DOCK3: variants seen among roughly 807,000 people sequenced by gnomAD.
The protein encoded by DOCK3 is dedicator of cytokinesis protein 3.
Under a neutral mutation model 265.6 loss-of-function variants are expected in DOCK3, and 60 were observed. That is an observed-to-expected ratio of 0.23 (90% confidence interval 0.18 to 0.28). The LOEUF (loss-of-function observed/expected upper bound fraction) is 0.28. Among genes scored for constraint, DOCK3 ranks in the 10% least tolerant of loss-of-function variants. DOCK3 has a pLI of 1.00. For synonymous variants in DOCK3, 881 were observed against 938.0 expected (o/e 0.94, Z 1.11); for missense variants, 1,981 against 2,594.3 (o/e 0.76, Z 5.14).
Position 51,203,447 on chromosome 3 carries a change from C to T in DOCK3, c.1038-5327C>T, listed in dbSNP as rs543443592. On this transcript the variant is annotated intron_variant, in intron 12 of 52. Coordinates refer to ENST00000266037, the MANE Select transcript of DOCK3 (RefSeq NM_004947.5). ...AAAGAGAATAAAATACCTAGGAATC[C>T]ACCTTACAAGGGACGTGAAGGACCT... is the stretch of plus-strand genomic sequence containing the variant. 1.2e-4 allele frequency among the ~76,000 whole-genome samples: 19 copies of T among 152,288 alleles called. No individual in the cohort carries two copies. The East Asian group carries it at 3.7e-3, about 29-fold the overall frequency.
intron 10 of DOCK3, among the ~76,000 whole-genome samples, chr3:51,158,069 C>A (rs1304141154): frequency 1.3e-5 from 2 of 152,054 alleles, no homozygotes; most frequent in Non-Finnish European, 2.9e-5. Flanking sequence ...AAACCTGTCA[C>A]ATTAAGGACA....
At chr3:50,746,065 C>T (rs1288839383) in intron 1 of DOCK3, among the ~76,000 whole-genome samples, 7 of 151,428 alleles carry the variant, frequency 4.6e-5, no homozygotes, top group Non-Finnish European at 1.0e-4. Context: ...ATTCTTTTTA[C>T]AGTCTCATTC....
intron 5 of DOCK3, among the ~76,000 whole-genome samples, chr3:51,016,627 AATAT>A (rs1157703084): frequency 2.8e-5 from 1 of 35,452 alleles, no homozygotes; most frequent in African/African-American, 1.1e-4. Context: ...TTATATATAT[AATAT>A]ATATGATATA....
chr3:50,750,478 T>G (rs1328685216), intron 1 of DOCK3, among the ~76,000 whole-genome samples: 2 of 151,928 alleles, frequency 1.3e-5, no homozygotes, highest in East Asian at 3.9e-4. Flanking sequence ...TACAGGCGCC[T>G]GCCACCACGC....
intron 5 of DOCK3, among the ~76,000 whole-genome samples, chr3:50,952,586 C>T (rs139018216): frequency 5.3e-5 from 8 of 152,220 alleles, no homozygotes; most frequent in Non-Finnish European, 8.8e-5. Context: ...GGTAGTGCCT[C>T]CTAGAATGGC....
At chr3:50,698,877 G>T (rs1166486018) in intron 1 of DOCK3, among the ~76,000 whole-genome samples, 1 of 151,930 alleles carries the variant, frequency 6.6e-6, no homozygotes, top group East Asian at 1.9e-4. Context: ...AGTGTTAGGG[G>T]TTCTCTATAT....
intron 1 of DOCK3, among the ~76,000 whole-genome samples, chr3:50,753,931 G>T (rs2039994199): frequency 6.6e-6 from 1 of 152,052 alleles, no homozygotes. Flanking sequence ...CGAGGCAAGT[G>T]GGTCACCTGG....
chr3:51,309,260 C>T (rs566364131), intron 27 of DOCK3, among the ~76,000 whole-genome samples: 4 of 152,296 alleles, frequency 2.6e-5, no homozygotes, highest in South Asian at 2.1e-4. Context: ...TGTAGCAAGC[C>T]GAGATCACGC....
intron 5 of DOCK3, among the ~76,000 whole-genome samples, chr3:50,948,212 G>A (rs1282419480): frequency 6.6e-6 from 1 of 150,766 alleles, no homozygotes; most frequent in African/African-American, 2.4e-5. Flanking sequence ...GACCACCACT[G>A]CACCCGGCTA....
intron 12 of DOCK3, among the ~76,000 whole-genome samples, chr3:51,161,443 CAAA>C (rs1160336812): frequency 8.2e-6 from 1 of 121,860 alleles, no homozygotes; most frequent in Non-Finnish European, 1.8e-5. Flanking sequence ...GACTCCGTCT[CAAA>C]AAAAAAAAAG....
chr3:50,917,067 T>C (rs1360804299), intron 4 of DOCK3, among the ~76,000 whole-genome samples: 1 of 152,102 alleles, frequency 6.6e-6, no homozygotes, highest in South Asian at 2.1e-4. Flanking sequence ...TGTATTATTT[T>C]TATTACACTA....
At chr3:50,753,313 A>G (rs2039953012) in intron 1 of DOCK3, among the ~76,000 whole-genome samples, 1 of 152,110 alleles carries the variant, frequency 6.6e-6, no homozygotes, top group South Asian at 2.1e-4. Context: ...ATAAATAGAT[A>G]TTGCCAAATA....
At chr3:50,860,257 C>T (rs899842426) in intron 3 of DOCK3, among the ~76,000 whole-genome samples, 4 of 152,150 alleles carry the variant, frequency 2.6e-5, no homozygotes, top group African/African-American at 9.7e-5. Flanking sequence ...TCTTTTCTTC[C>T]TCTTTTCTGA....
At chr3:51,170,194 T>A (rs930340714) in intron 12 of DOCK3, among the ~76,000 whole-genome samples, 2 of 152,232 alleles carry the variant, frequency 1.3e-5, no homozygotes, top group African/African-American at 2.4e-5. Flanking sequence ...CCAAGCATTT[T>A]AGATAAGGGT....
chr3:50,935,014 G>A (rs1290083330), intron 5 of DOCK3, among the ~76,000 whole-genome samples: 1 of 152,158 alleles, frequency 6.6e-6, no homozygotes, highest in Non-Finnish European at 1.5e-5. Flanking sequence ...GGGGGCTCAA[G>A]GATCAAATGA....
intron 26 of DOCK3, among the ~76,000 whole-genome samples, chr3:51,278,987 G>A (rs886445962): frequency 6.6e-6 from 1 of 152,080 alleles, no homozygotes; most frequent in African/African-American, 2.4e-5. Flanking sequence ...GATGGCTCAT[G>A]CCTGTAATCC....
At chr3:50,848,107 G>C (rs1052749818) in intron 3 of DOCK3, among the ~76,000 whole-genome samples, 2 of 151,788 alleles carry the variant, frequency 1.3e-5, no homozygotes, top group South Asian at 2.1e-4. Flanking sequence ...TCTGATATAA[G>C]AATAGTAACC....
intron 5 of DOCK3, among the ~76,000 whole-genome samples, chr3:51,021,397 A>T (rs1008645975): frequency 6.6e-6 from 1 of 152,210 alleles, no homozygotes; most frequent in African/African-American, 2.4e-5. Context: ...CTCAGTGGAA[A>T]TCCTATTTAT....
intron 3 of DOCK3, among the ~76,000 whole-genome samples, chr3:50,873,912 A>G (rs965049605): frequency 6.6e-6 from 1 of 152,106 alleles, no homozygotes; most frequent in African/African-American, 2.4e-5. Flanking sequence ...AGTAGCTGCT[A>G]TGGGTTGGGG....
Sources: gnomAD v4.1 joint callset for allele counts (sites outside exome capture counted in the v4.1 genomes callset) on GRCh38, gnomAD v4.1.1 for gene constraint, MANE v1.5 for transcripts, NCBI Gene and HGNC (gene_info 2026-07-23, HGNC 2026-07-21) for gene names.